Variants in PCDHGB5 observed in about 807,000 individuals in gnomAD.
PCDHGB5 encodes the protein protocadherin gamma-B5.
In PCDHGB5, 48 loss-of-function variants were observed where a neutral mutation model predicts 62.9. The observed-to-expected ratio is 0.76, with a 90% CI of 0.61 to 0.97. PCDHGB5 has a LOEUF of 0.97. Ranked by LOEUF, PCDHGB5 falls within the 50% of genes least tolerant of loss-of-function variation. PCDHGB5 has a pLI of 0.00. For missense variants in PCDHGB5, 1,118 were observed against 1,198.6 expected (o/e 0.93, Z 0.99); for synonymous variants, 474 against 511.2 (o/e 0.93, Z 0.98).
chr5:141,428,115 G>A (rs753384738), intron 1 of PCDHGB5: 2 of 1,607,178 alleles, frequency 1.2e-6, no homozygotes, highest in Non-Finnish European at 8.5e-7. Flanking sequence ...GCAGGCCATC[G>A]AGCCCGGGCT....
rs1236074950 is a variant in PCDHGB5 at position 141,489,119 on chromosome 5, C to G, written c.2398-5688C>G. On this transcript the variant is annotated intron_variant, in intron 1 of 3. Transcript: ENST00000617380. This position sits in a 1 kb window ranked among gnomAD's most constrained non-coding sequence, Gnocchi z 4.5. ...GAACTGCTGCAAGCAGGCAAACCTC[C>G]GAGCAGTTTTTAAGAGGCTGGAAGG... The G allele has an allele frequency of 1.5e-6, 1 of 650,358 alleles. No individual in the cohort carries two copies. Among genetic ancestry groups the G allele is most frequent in the Non-Finnish European group, 2.5e-6 (1 of 400,690 alleles). The allele number at this position is 650,358 out of a possible 1,614,324, so 40.3% of individuals were successfully genotyped here. A position where few individuals can be genotyped will look rare whatever the true frequency, so the allele number is the denominator to read the frequency against.
chr5:141,409,670 T>C lies in PCDHGB5; in HGVS notation c.2397+9146T>C, dbSNP rs2095300697. 1.9e-6 allele frequency: 3 copies of C among 1,613,486 alleles called. No homozygotes were observed. In the East Asian group the frequency reaches 6.7e-5, roughly 36 times the overall value. ...GGGGCTCAATGGCCACATCTCCTACTCTATAGTGGCGAGTGACCTAGAGCC... is the reference window on the plus strand; with the variant it reads ...GGGGCTCAATGGCCACATCTCCTACCCTATAGTGGCGAGTGACCTAGAGCC... On this transcript the variant is annotated intron_variant, in intron 1 of 3. Transcript: ENST00000617380.
At chr5:141,447,549 A>T (rs1387130901) in intron 1 of PCDHGB5, among the ~76,000 whole-genome samples, 1 of 152,216 alleles carries the variant, frequency 6.6e-6, no homozygotes, top group Non-Finnish European at 1.5e-5. Context: ...TAATGTTATG[A>T]GTACACTTGG....
intron 1 of PCDHGB5, chr5:141,419,541 G>A: frequency 6.2e-7 from 1 of 1,612,076 alleles, no homozygotes; most frequent in Non-Finnish European, 8.5e-7. Context: ...AACGCACCGC[G>A]GGTGCTGTAC....
chr5:141,422,656 G>A (rs759548203), intron 1 of PCDHGB5: 3 of 1,609,780 alleles, frequency 1.9e-6, no homozygotes, highest in Non-Finnish European at 1.7e-6. Context: ...CTCAGTGACC[G>A]CCCTCGACCC....
Position 141,486,059 on chromosome 5 carries a change from C to A in PCDHGB5, c.2398-8748C>A. On this transcript the variant is annotated intron_variant, in intron 1 of 3. Transcript: ENST00000617380. This position sits in a 1 kb window ranked among gnomAD's most constrained non-coding sequence, Gnocchi z 5.0. ...TCGTGTAAGAAACCTCTTTAGCCTG[C>A]ACCCCACTACTGGAAAGCTTACTCT... 1 of 1,614,152 alleles carries A rather than the reference C, an allele frequency of 6.2e-7. No homozygotes were observed. Among genetic ancestry groups the A allele is most frequent in the Non-Finnish European group, 8.5e-7 (1 of 1,180,010 alleles).
chr5:141,398,656 A>G lies in PCDHGB5; in HGVS notation c.529A>G (p.Ser177Gly). ...LQKYKLSLNP[S>G]FSLIIKEKQD... The stretch of plus-strand genomic sequence containing the variant: ...GAAGTATAAACTCTCTCTTAACCCA[A>G]GTTTCTCATTAATAATTAAGGAGAA... Residue 177 changes from serine to glycine, a missense_variant, in exon 1 of 4, where the codon AGT (serine) becomes GGT (glycine). Physicochemically the swap from Ser to Gly is moderately conservative, Grantham distance 56. Transcript: ENST00000617380. 1 of 1,614,034 alleles carries G rather than the reference A, an allele frequency of 6.2e-7. No homozygotes were observed. Among genetic ancestry groups the G allele is most frequent in the African/African-American group, 1.3e-5 (1 of 75,064 alleles).
chr5:141,410,155 G>T, intron 1 of PCDHGB5: 1 of 1,612,898 alleles, frequency 6.2e-7, no homozygotes. Context: ...ACGGTGGACA[G>T]CCGCCACTCT....
At position 141,489,072 on chromosome 5, in the gene PCDHGB5, A is replaced by AC; in HGVS notation, c.2398-5730dup. The AC allele has an allele frequency of 1.3e-5, 2 of 157,710 alleles. No homozygotes were observed. Among genetic ancestry groups the AC allele is most frequent in the Non-Finnish European group, 1.2e-5 (1 of 83,996 alleles). 9.8% of individuals were successfully genotyped at this position (157,710 alleles called of 1,614,324 possible). A position where few individuals can be genotyped will look rare whatever the true frequency, so the allele number is the denominator to read the frequency against. On this transcript the variant is annotated intron_variant, in intron 1 of 3. Transcript: ENST00000617380. This position sits in a 1 kb window ranked among gnomAD's most constrained non-coding sequence, Gnocchi z 4.5. The stretch of plus-strand genomic sequence containing the variant: ...AATTCAGCTCCCCTCCCCCCTGCCC[A>AC]CCCCCGCCACTCGGTGACTAAGAAC...
chr5:141,468,599 G>C (rs1055715232), intron 1 of PCDHGB5: 7 of 152,236 alleles, frequency 4.6e-5, no homozygotes, highest in African/African-American at 1.4e-4. Flanking sequence ...GGGCGCGGTG[G>C]CTCACGCCTG....
chr5:141,398,029 G>C lies in PCDHGB5; in HGVS notation c.-99G>C, dbSNP rs1363038637. ...AGAATCGTTTCCTAAACTGGAACTG[G>C]AACTAAAGCCCGTTCGGAGATCCAA... On this transcript the variant is annotated 5_prime_UTR_variant, in exon 1 of 4. Coordinates refer to ENST00000617380, the MANE Select transcript of PCDHGB5 (RefSeq NM_018925.3). 2.7e-6 allele frequency: 4 copies of C among 1,458,540 alleles called. No individual in the cohort carries two copies. The highest frequency in any genetic ancestry group is 3.7e-6 in the Non-Finnish European group (4 of 1,093,414). 90.3% of individuals were successfully genotyped at this position (1,458,540 alleles called of 1,614,324 possible). A position where few individuals can be genotyped will look rare whatever the true frequency, so the allele number is the denominator to read the frequency against.
At chr5:141,423,927 T>G (rs2096791636) in intron 1 of PCDHGB5, 4 of 1,240,434 alleles carry the variant, frequency 3.2e-6, no homozygotes, top group Non-Finnish European at 4.1e-6. Flanking sequence ...TATGCTGGTT[T>G]GGTTTGAAGT....
At chr5:141,505,552 T>C (rs920594597) in intron 3 of PCDHGB5, 71 bp downstream of exon 3, 8 of 1,608,230 alleles carry the variant, frequency 5.0e-6, no homozygotes, top group Non-Finnish European at 6.8e-6. Context: ...ACAGCCACCA[T>C]GCCCACGGAC....
At position 141,432,995 on chromosome 5, in the gene PCDHGB5, G is replaced by A. The variant is rs576866505; in HGVS notation, c.2397+32471G>A. On this transcript the variant is annotated intron_variant, in intron 1 of 3. Transcript: ENST00000617380. This position sits in a 1 kb window ranked among gnomAD's most constrained non-coding sequence, Gnocchi z 6.0. ...GTCGCACTTTGTGGGCGTGGACGGGGTGCAGGCTTTCCTGCAGACCTATTC... is the reference window on the plus strand; with the variant it reads ...GTCGCACTTTGTGGGCGTGGACGGGATGCAGGCTTTCCTGCAGACCTATTC... The A allele has an allele frequency of 1.2e-6, 2 of 1,614,226 alleles. No individual in the cohort carries two copies. The highest frequency in any genetic ancestry group is 3.3e-5 in the Admixed American group (2 of 60,028).
Position 141,432,148 on chromosome 5 carries a change from G to C in PCDHGB5, c.2397+31624G>C. ...CCTCCTATTCCGCTTATATCCCAGA[G>C]AACAATCCCAGAGGAGTTTCCCTCG... On this transcript the variant is annotated intron_variant, in intron 1 of 3. Coordinates refer to ENST00000617380, the MANE Select transcript of PCDHGB5 (RefSeq NM_018925.3). The surrounding 1 kb of genome is among the most constrained non-coding windows in gnomAD (Gnocchi z 6.0). 6.2e-7 allele frequency: 1 copy of C among 1,614,002 alleles called. No individual in the cohort carries two copies. Among genetic ancestry groups the C allele is most frequent in the East Asian group, 2.2e-5 (1 of 44,876 alleles).
chr5:141,500,467 C>T lies in PCDHGB5; in HGVS notation c.2457-4926C>T, dbSNP rs368360639. 6.6e-5 allele frequency among the ~76,000 whole-genome samples: 10 copies of T among 152,262 alleles called. No homozygotes were observed. In the South Asian group the frequency reaches 2.1e-3, roughly 32 times the overall value. ...CTCGTGATCCGCCCGCCTCGGCCTC[C>T]CAAAGTGCTGGGATTACAGGCGTGA... is the stretch of plus-strand genomic sequence containing the variant. On this transcript the variant is annotated intron_variant, in intron 2 of 3. Coordinates refer to ENST00000617380, the MANE Select transcript of PCDHGB5 (RefSeq NM_018925.3).
At chr5:141,464,443 T>G (rs903733972) in intron 1 of PCDHGB5, among the ~76,000 whole-genome samples, 1 of 151,634 alleles carries the variant, frequency 6.6e-6, no homozygotes, top group African/African-American at 2.4e-5. Context: ...ATGTTTGTTG[T>G]TGTTGTTGTT....
At chr5:141,419,642 G>A (rs376762490) in intron 1 of PCDHGB5, 1 of 1,612,412 alleles carries the variant, frequency 6.2e-7, no homozygotes, top group African/African-American at 1.3e-5. Context: ...GGTGGCCGTG[G>A]ACGCGGACTC....
At chr5:141,428,021 C>G (rs1185050109) in intron 1 of PCDHGB5, 1 of 1,605,486 alleles carries the variant, frequency 6.2e-7, no homozygotes, top group Admixed American at 1.7e-5. Flanking sequence ...TGCCACGCGC[C>G]GCAGAGTCCG....
Sources: allele counts gnomAD v4.1 joint callset (sites outside exome capture counted in the v4.1 genomes callset), GRCh38; gene constraint gnomAD v4.1.1; non-coding constraint Gnocchi (gnomAD v3.1); transcripts MANE v1.5; gene names NCBI Gene and HGNC (gene_info 2026-07-23, HGNC 2026-07-21).